SASH1: variants seen among roughly 807,000 people sequenced by gnomAD.
SASH1 encodes the protein SAM and SH3 domain-containing protein 1.
A neutral mutation model predicts 125.2 loss-of-function variants in SASH1; 44 were observed. That is an observed-to-expected ratio of 0.35 (90% confidence interval 0.28 to 0.45). SASH1 has a LOEUF of 0.45. SASH1 is among the 20% of genes least tolerant of loss of function. The pLI is 1.00. For missense variants in SASH1, 1,426 were observed against 1,614.5 expected, an observed-to-expected ratio of 0.88 and a Z score of 2.00; for synonymous variants, 639 against 649.1, an observed-to-expected ratio of 0.98 and a Z score of 0.24.
At chr6:148,251,475 A>G in the SASH1 span, among the ~76,000 whole-genome samples, 3 of 152,132 alleles carry the variant, frequency 2.0e-5, no homozygotes, top group Non-Finnish European at 2.9e-5. Context: ...CTAGGAGAAA[A>G]TAGATGCTAT....
chr6:148,402,239 TA>T (rs1416960071), intron 2 of SASH1, among the ~76,000 whole-genome samples: 3 of 152,080 alleles, frequency 2.0e-5, no homozygotes, highest in Non-Finnish European at 4.4e-5. Context: ...TGCCAAAAAC[TA>T]AAGAGGAAAA....
chr6:148,448,417 T>C (rs1418551832), intron 4 of SASH1, among the ~76,000 whole-genome samples: 1 of 152,140 alleles, frequency 6.6e-6, no homozygotes, highest in Non-Finnish European at 1.5e-5. Context: ...TGAAATGTTA[T>C]TTCAGAGGTC....
At chr6:148,438,760 A>AC (rs112684309) in intron 2 of SASH1, among the ~76,000 whole-genome samples, 60,741 of 142,790 alleles carry the variant, frequency 0.43, 13,492 homozygotes, top group South Asian at 0.67. Flanking sequence ...AAACAAACAA[A>AC]AAAAAAAACC....
chr6:148,535,389 A>G (rs1781780857), intron 16 of SASH1, among the ~76,000 whole-genome samples: 1 of 152,210 alleles, frequency 6.6e-6, no homozygotes, highest in African/African-American at 2.4e-5. Flanking sequence ...TGAGCACAAA[A>G]GTGACTGACC....
At chr6:148,270,904 C>CTTTTTTT (rs780443533), upstream of SASH1, among the ~76,000 whole-genome samples, 2 of 127,616 alleles carry the variant, frequency 1.6e-5, no homozygotes, top group Non-Finnish European at 1.6e-5. Context: ...TCATCCACAA[C>CTTTTTTT]TTTTTTTTTT....
upstream of SASH1, among the ~76,000 whole-genome samples, chr6:148,270,897 T>A (rs916228334): frequency 2.7e-5 from 4 of 148,066 alleles, no homozygotes; most frequent in Non-Finnish European, 6.0e-5. Context: ...GGACATCTCA[T>A]CCACAACTTT....
At chr6:148,376,698 T>C (rs2114767158) in intron 1 of SASH1, among the ~76,000 whole-genome samples, 1 of 151,434 alleles carries the variant, frequency 6.6e-6, no homozygotes, top group East Asian at 2.0e-4. Flanking sequence ...CTCCCATCTC[T>C]ACAAAAAATA....
the SASH1 span, among the ~76,000 whole-genome samples, chr6:148,193,498 A>G: frequency 5.3e-5 from 8 of 152,314 alleles, no homozygotes; most frequent in Non-Finnish European, 1.0e-4. Flanking sequence ...CTTGGCTAAA[A>G]TGTTTGCTTC....
chr6:148,346,460 A>G (rs1249380068), intron 1 of SASH1, among the ~76,000 whole-genome samples: 4 of 150,328 alleles, frequency 2.7e-5, no homozygotes, highest in African/African-American at 9.9e-5. Flanking sequence ...ATATAAATGG[A>G]TATAGAATTA....
At chr6:148,311,086 T>C (rs1432073073) in intron 1 of SASH1, among the ~76,000 whole-genome samples, 2 of 150,162 alleles carry the variant, frequency 1.3e-5, no homozygotes, top group African/African-American at 4.9e-5. Context: ...AGCTTCTTTT[T>C]TTCTTTTCTT....
At chr6:148,531,717 A>T (rs192646734) in intron 13 of SASH1, 56 bp downstream of exon 13, 1 of 1,366,172 alleles carries the variant, frequency 7.3e-7, no homozygotes, top group African/African-American at 1.5e-5. Context: ...TCTGACATAT[A>T]CTGAGCACTA....
the SASH1 span, among the ~76,000 whole-genome samples, chr6:148,259,638 T>G: frequency 1.3e-5 from 2 of 152,186 alleles, no homozygotes; most frequent in South Asian, 4.1e-4. Context: ...AGCACACGCC[T>G]AACTTAATAC....
intron 1 of SASH1, among the ~76,000 whole-genome samples, chr6:148,320,077 G>A (rs914787270): frequency 6.6e-6 from 1 of 152,168 alleles, no homozygotes; most frequent in Admixed American, 6.6e-5. Context: ...CTATTTTATC[G>A]TTAGTTGTTA....
intron 1 of SASH1, among the ~76,000 whole-genome samples, chr6:148,351,918 G>T (rs1479856049): frequency 6.6e-6 from 1 of 151,886 alleles, no homozygotes; most frequent in African/African-American, 2.4e-5. Context: ...GTTTGTCTTT[G>T]TCTGTTTTCA....
At position 148,387,646 on chromosome 6, in the gene SASH1, T is replaced by G. The variant is rs1235414207; in HGVS notation, c.157-2488T>G. 4.6e-5 allele frequency among the ~76,000 whole-genome samples: 3 copies of G among 64,646 alleles called. No individual in the cohort carries two copies. The East Asian group carries it at 7.8e-4, about 17-fold the overall frequency. 42.4% of individuals were successfully genotyped at this position (64,646 alleles called of 152,430 possible). ...TTTCTTTCTTTCTTTCTTTCTTTCT[T>G]TCTTTCTTTCTTTCTTTCTTTCTTT... On this transcript the variant is annotated intron_variant, in intron 1 of 19. Transcript: ENST00000367467.
At chr6:148,296,011 T>C (rs956114519) in intron 1 of SASH1, among the ~76,000 whole-genome samples, 4 of 152,246 alleles carry the variant, frequency 2.6e-5, no homozygotes, top group African/African-American at 9.6e-5. Flanking sequence ...ATTACGCCTT[T>C]TGTTAGTTAC....
At chr6:148,446,071 C>T (rs1052824661) in intron 4 of SASH1, among the ~76,000 whole-genome samples, 1 of 139,204 alleles carries the variant, frequency 7.2e-6, no homozygotes, top group African/African-American at 2.6e-5. Flanking sequence ...CATTGCTATC[C>T]TGAACAACAT....
chr6:148,259,276 A>G, the SASH1 span, among the ~76,000 whole-genome samples: 1 of 152,216 alleles, frequency 6.6e-6, no homozygotes. Flanking sequence ...CAGTGTGTCT[A>G]GAACTAAGCC....
At position 148,396,762 on chromosome 6, in the gene SASH1, A is replaced by G. The variant is rs1468676193; in HGVS notation, c.285+6500A>G. Among the ~76,000 whole-genome samples the G allele has an allele frequency of 3.2e-4, 48 of 152,178 alleles. 1 individual carries two copies. On this transcript the variant is annotated intron_variant, in intron 2 of 19. Transcript: ENST00000367467. ...TTAATGGAAAGAGGCTGAGGGAGTCACAGACTTGGTTCAAATTCTGGCTCT... is the reference window on the plus strand; with the variant it reads ...TTAATGGAAAGAGGCTGAGGGAGTCGCAGACTTGGTTCAAATTCTGGCTCT...
Sources: allele counts gnomAD v4.1 joint callset (sites outside exome capture counted in the v4.1 genomes callset), GRCh38; gene constraint gnomAD v4.1.1; transcripts MANE v1.5; gene names NCBI Gene and HGNC (gene_info 2026-07-23, HGNC 2026-07-21).